CC2D2B: variants seen among roughly 807,000 people sequenced by gnomAD.
CC2D2B encodes protein CC2D2B.
CC2D2B carries 128 observed loss-of-function variants against 161.2 expected under a neutral mutation model. The observed-to-expected ratio is 0.79, with a 90% CI of 0.69 to 0.92. The LOEUF (loss-of-function observed/expected upper bound fraction) is 0.92. Ranked by LOEUF, CC2D2B falls within the 40% of genes least tolerant of loss-of-function variation. The probability of loss-of-function intolerance (pLI) is 0.00; values close to 1 mark genes in which losing one functional copy is unlikely to be tolerated. For synonymous variants in CC2D2B, 391 were observed against 449.8 expected, an observed-to-expected ratio of 0.87 and a Z score of 1.65; for missense variants, 1,173 against 1,375.1, an observed-to-expected ratio of 0.85 and a Z score of 2.32.
At chr10:96,010,016 C>G in intron 26 of CC2D2B, 93 bp downstream of exon 26, 1 of 738,090 alleles carries the variant, frequency 1.4e-6, no homozygotes, top group Non-Finnish European at 2.4e-6. Flanking sequence ...CTGTGATTGG[C>G]AGGCTGGTAG....
In CC2D2B at chr10:95,967,221, C is replaced by T. The variant is rs117573941; in HGVS notation, c.1466+919C>T. ...GGAGAAATCCTTTATTTGTTCTGTA[C>T]CTTCTTCCAAAAAGGGCCTGAGATA... On this transcript the variant is annotated intron_variant, in intron 14 of 34. Coordinates refer to ENST00000646931, the MANE Select transcript of CC2D2B (RefSeq NM_001349008.3). Among the ~76,000 whole-genome samples, 119 of 152,166 alleles carry T rather than the reference C, an allele frequency of 7.8e-4. No individual in the cohort carries two copies. The East Asian group carries it at 0.017, about 21-fold the overall frequency.
chr10:96,013,731 A>G (rs971188461), intron 28 of CC2D2B, 57 bp from the exon 29 acceptor site: 2 of 1,003,726 alleles, frequency 2.0e-6, no homozygotes, highest in African/African-American at 3.3e-5. Context: ...CATGTAAAGC[A>G]TTGTGCTAAG....
chr10:95,911,700 T>A (rs1336069814), intron 2 of CC2D2B, among the ~76,000 whole-genome samples: 1 of 152,210 alleles, frequency 6.6e-6, no homozygotes, highest in African/African-American at 2.4e-5. Context: ...TATTTACATG[T>A]CTCTTAGAGT....
intron 11 of CC2D2B, among the ~76,000 whole-genome samples, chr10:95,958,555 T>A (rs2076658049): frequency 9.7e-6 from 1 of 103,264 alleles, no homozygotes; most frequent in African/African-American, 3.7e-5. Context: ...GAAGTAACAA[T>A]AAAGAGATAG....
intron 10 of CC2D2B, among the ~76,000 whole-genome samples, chr10:95,951,522 C>T (rs1276563729): frequency 2.0e-5 from 3 of 152,100 alleles, no homozygotes; most frequent in Non-Finnish European, 4.4e-5. Flanking sequence ...CATGCATTAG[C>T]AATATCAGAA....
Position 95,965,966 on chromosome 10 carries a change from G to A in CC2D2B, c.1321G>A (p.Gly441Arg), listed in dbSNP as rs1279018523. ...GTCTGAAACTGAGAAGAAAAATGAAGGAAAAGAACTTAAGAATGGGAAAAA... is the reference window on the plus strand; with the variant it reads ...GTCTGAAACTGAGAAGAAAAATGAAAGAAAAGAACTTAAGAATGGGAAAAA... Reference protein sequence around the residue: ...EMSETEKKNEGKELKNGKKLE... With the variant: ...EMSETEKKNERKELKNGKKLE... Residue 441 changes from glycine to arginine, a missense_variant, in exon 13 of 35, where the codon GGA becomes AGA. Around this residue, in one of 3 missense-constraint regions of CC2D2B, gnomAD observed 277 missense variants for 420.6 expected, o/e 0.66. Coordinates refer to ENST00000646931, the MANE Select transcript of CC2D2B (RefSeq NM_001349008.3). The A allele has an allele frequency of 1.2e-5, 14 of 1,216,614 alleles. No homozygotes were observed. The highest frequency in any genetic ancestry group is 1.2e-5 in the Non-Finnish European group (12 of 974,418). The allele number at this position is 1,216,614 out of a possible 1,614,324, so 75.4% of individuals were successfully genotyped here. A position where few individuals can be genotyped will look rare whatever the true frequency, so the allele number is the denominator to read the frequency against.
At chr10:96,011,563 T>C (rs1378277136) in intron 26 of CC2D2B, among the ~76,000 whole-genome samples, 3 of 152,188 alleles carry the variant, frequency 2.0e-5, no homozygotes, top group Non-Finnish European at 4.4e-5. Context: ...ATGCATTTTT[T>C]TGAGACAGCA....
chr10:95,955,015 G>A (rs1356149862), intron 10 of CC2D2B, among the ~76,000 whole-genome samples: 2 of 152,050 alleles, frequency 1.3e-5, no homozygotes, highest in Admixed American at 1.3e-4. Context: ...AGATATGAAT[G>A]TGGATAAAGA....
rs554498208 is a variant in CC2D2B at position 95,950,003 on chromosome 10, T to C, written c.909T>C (p.His303=). 5.0e-6 allele frequency: 2 copies of C among 398,824 alleles called. No homozygotes were observed. The highest frequency in any genetic ancestry group is 2.5e-4 in the South Asian group (2 of 7,854). 24.7% of individuals were successfully genotyped at this position (398,824 alleles called of 1,614,324 possible). Residue 303 remains histidine (H), a synonymous_variant, in exon 10 of 35, where the codon CAT becomes CAC. Transcript: ENST00000646931. ...NIVGLQFSHH[H]LFNQEQVLCA... is the part of the protein sequence containing the mutation. ...TGGGTTTGCAATTCAGCCATCATCA[T>C]CTCTTCAATCAAGAGCAAGTATTAT...
At chr10:96,014,275 C>T (rs1461521160) in intron 29 of CC2D2B, among the ~76,000 whole-genome samples, 2 of 152,170 alleles carry the variant, frequency 1.3e-5, no homozygotes, top group Non-Finnish European at 2.9e-5. Flanking sequence ...TTCCTTAGCA[C>T]TTAGATTAAA....
intron 24 of CC2D2B, among the ~76,000 whole-genome samples, chr10:96,003,363 T>C (rs1260478124): frequency 1.3e-5 from 2 of 151,942 alleles, no homozygotes; most frequent in Admixed American, 1.3e-4. Context: ...CACTCCATTA[T>C]CCCAGTTTCT....
At chr10:95,969,891 T>C (rs1015378664) in intron 15 of CC2D2B, among the ~76,000 whole-genome samples, 1 of 152,158 alleles carries the variant, frequency 6.6e-6, no homozygotes, top group African/African-American at 2.4e-5. Flanking sequence ...TATCATCCTA[T>C]CACTTAGCAT....
chr10:95,992,546 T>G lies in CC2D2B; in HGVS notation c.2491T>G (p.Cys831Gly). ...VSTSQLTDAV[C>G]KFVEPRRKLK... is the part of the protein sequence containing the mutation. ...CTTTAGCCAATTGACAGATGCAGTT[T>G]GTAAGTTTGTTGAACCACGGAGAAA... is the stretch of plus-strand genomic sequence containing the variant. Residue 831 changes from cysteine to glycine, a missense_variant, in exon 22 of 35, where the codon TGT (cysteine) becomes GGT (glycine). By Grantham distance (159) the Cys-to-Gly change is radical. This residue lies in a region of CC2D2B where 598 missense variants were observed against 693.2 expected (regional missense o/e 0.86). Transcript: ENST00000646931. 8.1e-7 allele frequency: 1 copy of G among 1,234,238 alleles called. No individual in the cohort carries two copies. Among genetic ancestry groups the G allele is most frequent in the South Asian group, 4.1e-5 (1 of 24,410 alleles). The allele number at this position is 1,234,238 out of a possible 1,614,324, so 76.5% of individuals were successfully genotyped here.
intron 10 of CC2D2B, among the ~76,000 whole-genome samples, chr10:95,953,979 C>T (rs998971799): frequency 1.3e-5 from 2 of 152,144 alleles, no homozygotes; most frequent in Non-Finnish European, 2.9e-5. Flanking sequence ...ATGATAATGC[C>T]TAAGCCATTC....
chr10:95,958,886 A>G (rs2076669492), intron 11 of CC2D2B, among the ~76,000 whole-genome samples: 1 of 152,136 alleles, frequency 6.6e-6, no homozygotes, highest in Non-Finnish European at 1.5e-5. Flanking sequence ...GAAATTAATA[A>G]TAAAACCATA....
At chr10:95,913,669 G>A (rs1266479028) in intron 2 of CC2D2B, among the ~76,000 whole-genome samples, 1 of 152,164 alleles carries the variant, frequency 6.6e-6, no homozygotes, top group African/African-American at 2.4e-5. Flanking sequence ...TTAAGTGAGT[G>A]AGATGATGTC....
rs2077615564 is a variant in CC2D2B at position 95,983,708 on chromosome 10, C to T, written c.2185C>T (p.Arg729Cys). The change falls in exon 19 of 35, where the codon CGT becomes TGT. Residue 729 changes from arginine to cysteine, a missense_variant. By Grantham distance (180) the Arg-to-Cys change is radical. This residue lies in a region of CC2D2B where 277 missense variants were observed against 420.6 expected (regional missense o/e 0.66). Transcript: ENST00000646931. ...VSEEEMAKSKRFQLLQLRNAG... is the reference protein window; with the variant it reads ...VSEEEMAKSKCFQLLQLRNAG... ...TGAAGAGGAAATGGCAAAGAGTAAA[C>T]GTTTCCAGCTATTGCAACTTAGAAA... The T allele has an allele frequency of 4.1e-6, 5 of 1,230,212 alleles. No individual in the cohort carries two copies. The highest frequency in any genetic ancestry group is 3.2e-5 in the East Asian group (1 of 31,628). 76.2% of individuals were successfully genotyped at this position (1,230,212 alleles called of 1,614,324 possible). A position where few individuals can be genotyped will look rare whatever the true frequency, so the allele number is the denominator to read the frequency against.
chr10:95,938,408 G>T (rs7922059), intron 7 of CC2D2B, 161 bp from the exon 8 acceptor site: 51,902 of 593,120 alleles, frequency 0.088, 4,004 homozygotes, highest in African/African-American at 0.24. Flanking sequence ...TTTATATATA[G>T]AGAGAGAGAG....
At chr10:96,016,682 TATCC>T (rs2079212643) in intron 30 of CC2D2B, among the ~76,000 whole-genome samples, 1 of 152,162 alleles carries the variant, frequency 6.6e-6, no homozygotes, top group Admixed American at 6.5e-5. Flanking sequence ...TGGCAGCTGT[TATCC>T]ATCGTTACCA....
Sources: allele counts gnomAD v4.1 joint callset (sites outside exome capture counted in the v4.1 genomes callset), GRCh38; gene constraint gnomAD v4.1.1; regional missense constraint gnomAD v4.1.1; transcripts MANE v1.5; gene names NCBI Gene and HGNC (gene_info 2026-07-23, HGNC 2026-07-21).